The following MAPT variants were observed in gnomAD, a reference collection of about 807,000 sequenced individuals.
MAPT encodes microtubule-associated protein tau.
Under a neutral mutation model 67.9 loss-of-function variants are expected in MAPT, and 34 were observed. The observed-to-expected ratio is 0.50, with a 90% CI of 0.38 to 0.67. MAPT has a LOEUF of 0.67. MAPT is among the 30% of genes least tolerant of loss of function. The pLI is 0.00. For missense variants in MAPT, 881 were observed against 1,115.2 expected, an observed-to-expected ratio of 0.79 and a Z score of 2.99; for synonymous variants, 456 against 464.5, an observed-to-expected ratio of 0.98 and a Z score of 0.23.
intron 9 of MAPT, among the ~76,000 whole-genome samples, chr17:46,002,144 G>A (rs2075051870): frequency 2.6e-5 from 4 of 152,224 alleles, no homozygotes. Context: ...TGGCAGAAGA[G>A]AGGTTGGGGC....
chr17:45,922,932 C>T (rs1199695314), intron 1 of MAPT, among the ~76,000 whole-genome samples: 1 of 152,232 alleles, frequency 6.6e-6, no homozygotes, highest in Non-Finnish European at 1.5e-5. Flanking sequence ...GACCGAGCAA[C>T]ACCAATGTCT....
intron 12 of MAPT, among the ~76,000 whole-genome samples, chr17:46,021,750 C>T (rs900725045): frequency 6.6e-5 from 10 of 152,172 alleles, no homozygotes; most frequent in South Asian, 2.1e-4. Flanking sequence ...GTTAGAGCCA[C>T]GCTGAGTCTC....
chr17:46,006,182 C>A (rs2075395706), intron 9 of MAPT, among the ~76,000 whole-genome samples: 1 of 152,176 alleles, frequency 6.6e-6, no homozygotes. Context: ...GATTTGGAAG[C>A]AACCCAAGTG....
intron 1 of MAPT, among the ~76,000 whole-genome samples, chr17:45,922,419 C>T (rs1967981): frequency 4.0e-5 from 6 of 151,462 alleles, no homozygotes; most frequent in Admixed American, 1.3e-4. Context: ...ACTTCTAATT[C>T]AATGCCTGTT....
At chr17:45,924,188 C>CG (rs1201282189) in intron 1 of MAPT, among the ~76,000 whole-genome samples, 1 of 152,082 alleles carries the variant, frequency 6.6e-6, no homozygotes, top group Non-Finnish European at 1.5e-5. Context: ...AGGCAGCCCC[C>CG]CAGACTCCCA....
At chr17:45,992,227 C>T (rs533238434) in intron 8 of MAPT, among the ~76,000 whole-genome samples, 47 of 152,274 alleles carry the variant, frequency 3.1e-4, no homozygotes, top group African/African-American at 1.0e-3. Context: ...ATTTTAAACC[C>T]GAGGAAAATG....
intron 1 of MAPT, among the ~76,000 whole-genome samples, chr17:45,934,739 A>C (rs1258700727): frequency 2.6e-5 from 4 of 152,208 alleles, no homozygotes; most frequent in Non-Finnish European, 5.9e-5. Flanking sequence ...AAGAGGCAGT[A>C]GCTAATTCCA....
chr17:45,901,661 A>C (rs933032066), intron 1 of MAPT, among the ~76,000 whole-genome samples: 2 of 152,216 alleles, frequency 1.3e-5, no homozygotes, highest in African/African-American at 4.8e-5. Context: ...ATTATATCAG[A>C]AAATCATTTA....
Position 46,010,499 on chromosome 17 carries a change from T to G in MAPT, c.2091+97T>G. ...CTTGCGAGACACTGCATAGAATAAATCCTTCTTGGGCTCTCAGGATCTGGC... is the reference window on the plus strand; with the variant it reads ...CTTGCGAGACACTGCATAGAATAAAGCCTTCTTGGGCTCTCAGGATCTGGC... On this transcript the variant is annotated intron_variant, in intron 10 of 12. Transcript: ENST00000262410. This position sits in a 1 kb window ranked among gnomAD's most constrained non-coding sequence, Gnocchi z 4.7. The G allele has an allele frequency of 1.1e-6, 1 of 902,142 alleles. No homozygotes were observed. The allele number at this position is 902,142 out of a possible 1,614,324, so 55.9% of individuals were successfully genotyped here.
At chr17:45,987,573 C>T (rs1015899040) in intron 6 of MAPT, among the ~76,000 whole-genome samples, 5 of 152,258 alleles carry the variant, frequency 3.3e-5, no homozygotes, top group African/African-American at 9.6e-5. Context: ...CGTAATTGCA[C>T]AGTGGCGTTT....
chr17:45,909,963 C>T (rs535604087), intron 1 of MAPT, among the ~76,000 whole-genome samples: 1 of 149,724 alleles, frequency 6.7e-6, no homozygotes, highest in East Asian at 2.0e-4. Context: ...ATCACTTGAA[C>T]CTGGGAGGCA....
chr17:45,930,619 T>C (rs1290684342), intron 1 of MAPT, among the ~76,000 whole-genome samples: 2 of 152,180 alleles, frequency 1.3e-5, no homozygotes, highest in Non-Finnish European at 2.9e-5. Context: ...AGAAACAGAA[T>C]TTGAACCCAA....
At chr17:45,944,420 T>A (rs887392883) in intron 1 of MAPT, among the ~76,000 whole-genome samples, 1 of 152,206 alleles carries the variant, frequency 6.6e-6, no homozygotes. Context: ...CTCACAAGGC[T>A]GGATATGGTG....
rs1170844900 is a variant in MAPT at position 45,967,096 on chromosome 17, G to C, written c.133+4626G>C. 5.3e-5 allele frequency among the ~76,000 whole-genome samples: 8 copies of C among 152,312 alleles called. No individual in the cohort carries two copies. The East Asian group carries it at 1.5e-3, about 29-fold the overall frequency. On this transcript the variant is annotated intron_variant, in intron 2 of 12. Transcript: ENST00000262410. ...ACAAGAAACTACACGTTAAATGCCA[G>C]AACAAAGAGTGTCTAAGTGGATGCT...
chr17:45,928,104 G>A (rs182526155), intron 1 of MAPT, among the ~76,000 whole-genome samples: 210 of 149,234 alleles, frequency 1.4e-3, no homozygotes, highest in Middle Eastern at 3.5e-3. Context: ...ACTCAGCCCC[G>A]ATCTTTCTAC....
At chr17:45,903,771 TA>T (rs1414374889) in intron 1 of MAPT, among the ~76,000 whole-genome samples, 1 of 89,286 alleles carries the variant, frequency 1.1e-5, no homozygotes, top group African/African-American at 4.0e-5. Flanking sequence ...TTTATATATA[TA>T]ATATATATTA....
At chr17:46,015,412 C>A (rs1471257544) in intron 11 of MAPT, among the ~76,000 whole-genome samples, 5 of 151,496 alleles carry the variant, frequency 3.3e-5, no homozygotes, top group Non-Finnish European at 7.4e-5. Context: ...GTAATCCCAG[C>A]ACTTTGGGAG....
At chr17:45,926,997 A>G (rs182588995) in intron 1 of MAPT, among the ~76,000 whole-genome samples, 38 of 150,358 alleles carry the variant, frequency 2.5e-4, no homozygotes, top group Admixed American at 2.5e-3. Context: ...ACACACACAT[A>G]CACATATATA....
At chr17:45,921,939 C>T (rs942299031) in intron 1 of MAPT, among the ~76,000 whole-genome samples, 11 of 152,036 alleles carry the variant, frequency 7.2e-5, no homozygotes, top group Admixed American at 7.2e-4. Flanking sequence ...GGACCCTCAG[C>T]AAGTGTTCTT....
Sources: allele counts gnomAD v4.1 joint callset (sites outside exome capture counted in the v4.1 genomes callset), GRCh38; gene constraint gnomAD v4.1.1; non-coding constraint Gnocchi (gnomAD v3.1); transcripts MANE v1.5; gene names NCBI Gene and HGNC (gene_info 2026-07-23, HGNC 2026-07-21).